The following THOC7 variants were observed in gnomAD, a reference collection of about 807,000 sequenced individuals.
The protein encoded by THOC7 is THO complex subunit 7.
A neutral mutation model predicts 33.1 loss-of-function variants in THOC7; 22 were observed. The observed-to-expected ratio is 0.66, with a 90% CI of 0.47 to 0.95. The LOEUF is 0.95. Among genes scored for constraint, THOC7 ranks in the 40% least tolerant of loss-of-function variants. The probability of loss-of-function intolerance (pLI) is 0.00; values close to 1 mark genes in which losing one functional copy is unlikely to be tolerated. For synonymous variants in THOC7, 77 were observed against 76.8 expected, an observed-to-expected ratio of 1.00 and a Z score of -0.01; for missense variants, 184 against 245.3, an observed-to-expected ratio of 0.75 and a Z score of 1.67.
chr3:63,836,269 T>C (rs1486546477), intron 5 of THOC7, 32 bp downstream of exon 5: 2 of 1,603,644 alleles, frequency 1.2e-6, no homozygotes, highest in South Asian at 2.2e-5. Context: ...GTATAAAGGT[T>C]AGTTCCTTTC....
At chr3:63,836,428 A>G in intron 4 of THOC7, 70 bp from the exon 5 acceptor site, 3 of 1,442,264 alleles carry the variant, frequency 2.1e-6, no homozygotes, top group East Asian at 2.3e-5. Context: ...AAAATGTGTA[A>G]TATCACAAAC....
chr3:63,863,619 G>A (rs936837335), intron 1 of THOC7, 153 bp downstream of exon 1: 2 of 1,198,056 alleles, frequency 1.7e-6, no homozygotes, highest in African/African-American at 1.6e-5. Context: ...GGGAGGCCCG[G>A]GGCTCCGGGG....
At chr3:63,859,960 T>C (rs1048874476) in intron 1 of THOC7, among the ~76,000 whole-genome samples, 2 of 152,150 alleles carry the variant, frequency 1.3e-5, no homozygotes, top group African/African-American at 2.4e-5. Flanking sequence ...CTAAACCACA[T>C]TGTCCATTGA....
At chr3:63,838,331 T>C (rs1448115606) in intron 3 of THOC7, 41 bp downstream of exon 3, 1 of 1,341,862 alleles carries the variant, frequency 7.5e-7, no homozygotes, top group Non-Finnish European at 1.0e-6. Context: ...CTTTAGACCA[T>C]AAAAAATAAA....
chr3:63,847,207 C>T (rs569786096), intron 1 of THOC7, among the ~76,000 whole-genome samples: 8 of 152,246 alleles, frequency 5.3e-5, no homozygotes, highest in Non-Finnish European at 1.0e-4. Context: ...AAAAAAGTTC[C>T]TATAAATCTG....
intron 1 of THOC7, chr3:63,863,451 C>A (rs148334967): frequency 1.8e-5 from 20 of 1,137,348 alleles, no homozygotes; most frequent in Non-Finnish European, 2.2e-5. Flanking sequence ...CGCTTCTAGC[C>A]GTCTCGGCCA....
upstream of THOC7, chr3:63,864,434 CG>C (rs919189972): frequency 2.0e-4 from 31 of 152,224 alleles, no homozygotes; most frequent in African/African-American, 6.7e-4. Flanking sequence ...CGCGCTGGGG[CG>C]GGTCTCGAAC....
At chr3:63,836,156 A>T in intron 5 of THOC7, 145 bp downstream of exon 5, 1 of 671,366 alleles carries the variant, frequency 1.5e-6, no homozygotes, top group Non-Finnish European at 2.4e-6. Flanking sequence ...AAAATCTAAC[A>T]GAGAAGTATG....
intron 1 of THOC7, among the ~76,000 whole-genome samples, chr3:63,851,671 A>AT (rs1702021866): frequency 6.6e-6 from 1 of 152,154 alleles, no homozygotes; most frequent in African/African-American, 2.4e-5. Flanking sequence ...CTAATTAGTT[A>AT]TTTTTCTATC....
chr3:63,856,164 CA>C (rs1702112242), intron 1 of THOC7, among the ~76,000 whole-genome samples: 1 of 151,642 alleles, frequency 6.6e-6, no homozygotes, highest in African/African-American at 2.4e-5. Context: ...GATTTATATT[CA>C]AAAGAGCTCC....
intron 1 of THOC7, chr3:63,854,715 C>T (rs1359162434): frequency 6.6e-6 from 1 of 152,160 alleles, no homozygotes; most frequent in Non-Finnish European, 1.5e-5. Flanking sequence ...GAATCTGAGT[C>T]AAGAAAAGGA....
At chr3:63,839,851 TGTTTA>T in intron 1 of THOC7, 78 bp from the exon 2 acceptor site, 1 of 1,195,352 alleles carries the variant, frequency 8.4e-7, no homozygotes, top group East Asian at 2.4e-5. Context: ...ACTGTTCATT[TGTTTA>T]TTCAAAAGAA....
At chr3:63,843,291 TA>T (rs1701807714) in intron 1 of THOC7, among the ~76,000 whole-genome samples, 1 of 151,942 alleles carries the variant, frequency 6.6e-6, no homozygotes, top group Non-Finnish European at 1.5e-5. Flanking sequence ...GCTAATTTTG[TA>T]TTTCCAGTAG....
intron 1 of THOC7, among the ~76,000 whole-genome samples, chr3:63,853,725 G>A (rs558993819): frequency 3.9e-5 from 6 of 152,130 alleles, no homozygotes; most frequent in African/African-American, 9.7e-5. Context: ...TGGCTAACGC[G>A]GTGAAACCCT....
chr3:63,863,826 A>T, upstream of THOC7: 1 of 1,158,396 alleles, frequency 8.6e-7, no homozygotes, highest in South Asian at 4.2e-5. Context: ...GCGGCGGCGC[A>T]AGCTGAGGCG....
intron 1 of THOC7, among the ~76,000 whole-genome samples, chr3:63,856,572 C>T (rs1474606237): frequency 6.6e-6 from 1 of 152,106 alleles, no homozygotes; most frequent in Admixed American, 6.5e-5. Context: ...AAGTTGAATA[C>T]AGACCAGTGT....
chr3:63,850,100 A>T (rs1236368220), intron 1 of THOC7, among the ~76,000 whole-genome samples: 4 of 152,164 alleles, frequency 2.6e-5, no homozygotes, highest in Non-Finnish European at 5.9e-5. Context: ...TACTCCTCTT[A>T]ATTATTCCTT....
At chr3:63,843,206 TCTC>T (rs1415840066) in intron 1 of THOC7, among the ~76,000 whole-genome samples, 2 of 151,846 alleles carry the variant, frequency 1.3e-5, no homozygotes, top group Non-Finnish European at 2.9e-5. Flanking sequence ...GCAACCTCTA[TCTC>T]CTGGGTTCAA....
In THOC7 at chr3:63,836,294, C is replaced by T. The variant is rs777505211; in HGVS notation, c.410+7G>A. 3.1e-6 allele frequency: 5 copies of T among 1,611,682 alleles called. No homozygotes were observed. Among genetic ancestry groups the T allele is most frequent in the African/African-American group, 1.3e-5 (1 of 74,978 alleles). Reference sequence around the variant, plus strand: ...TAGTTCCTTTCAAAGTAAAGCTCTACACTTACTTTAATGTCTCATGCCTGT... The same window carrying T: ...TAGTTCCTTTCAAAGTAAAGCTCTATACTTACTTTAATGTCTCATGCCTGT... On this transcript the variant is annotated splice_region_variant and intron_variant, in intron 5 of 7. Coordinates refer to ENST00000295899, the MANE Select transcript of THOC7 (RefSeq NM_025075.4).
Sources: allele counts gnomAD v4.1 joint callset (sites outside exome capture counted in the v4.1 genomes callset), GRCh38; gene constraint gnomAD v4.1.1; transcripts MANE v1.5; gene names NCBI Gene and HGNC (gene_info 2026-07-23, HGNC 2026-07-21).